The following ITGB3BP variants were observed in gnomAD, a reference collection of about 807,000 sequenced individuals.
ITGB3BP encodes the protein integrin subunit beta 3 binding protein, also known as centromere protein R.
A neutral mutation model predicts 29.1 loss-of-function variants in ITGB3BP; 27 were observed. The ratio of observed to expected loss-of-function variants is 0.93; its 90% CI spans 0.68 to 1.28. ITGB3BP has a LOEUF of 1.28. Among genes scored for constraint, ITGB3BP ranks in the 50% most tolerant of loss-of-function variants. ITGB3BP has a pLI of 0.00. For missense variants in ITGB3BP, 192 were observed against 200.2 expected (o/e 0.96, Z 0.25); for synonymous variants, 61 against 61.4 (o/e 0.99, Z 0.03).
intron 1 of ITGB3BP, among the ~76,000 whole-genome samples, chr1:63,513,671 T>C (rs1646250210): frequency 6.6e-6 from 1 of 152,166 alleles, no homozygotes; most frequent in East Asian, 1.9e-4. Flanking sequence ...TTAATATGTA[T>C]ATTTTTAAAA....
At chr1:63,520,052 T>G (rs1646414482) in intron 1 of ITGB3BP, among the ~76,000 whole-genome samples, 1 of 152,034 alleles carries the variant, frequency 6.6e-6, no homozygotes, top group South Asian at 2.1e-4. Flanking sequence ...GTACACTAAT[T>G]AGCAAGACTA....
chr1:63,443,795 G>A (rs2100462056), intron 8 of ITGB3BP, among the ~76,000 whole-genome samples: 1 of 152,274 alleles, frequency 6.6e-6, no homozygotes, highest in Non-Finnish European at 1.5e-5. Context: ...GACAAAGAGA[G>A]AGAGAATTTG....
chr1:63,454,473 C>A lies in ITGB3BP; in HGVS notation c.334G>T (p.Ala112Ser). Residue 112 changes from alanine (A) to serine (S), a missense_variant and splice_region_variant, in exon 6 of 9, where the codon GCT becomes TCT. Physicochemically the swap from Ala to Ser is moderately conservative, Grantham distance 99 (BLOSUM62 1). Coordinates refer to ENST00000271002, the MANE Select transcript of ITGB3BP (RefSeq NM_014288.5). The surrounding 1 kb of genome is among the most constrained non-coding windows in gnomAD (Gnocchi z 4.1). ...EIMQNLSSIQ[A>S]LEGSRELENL... Reference sequence around the variant, plus strand: ...TCAAGCTCTCTACTGCCCTCCAAAGCCTACAAGAAAGTCATCTTGAATGAG... The same window carrying A: ...TCAAGCTCTCTACTGCCCTCCAAAGACTACAAGAAAGTCATCTTGAATGAG... 6.4e-7 allele frequency: 1 copy of A among 1,558,720 alleles called. No individual in the cohort carries two copies. Among genetic ancestry groups the A allele is most frequent in the Non-Finnish European group, 8.8e-7 (1 of 1,137,436 alleles).
intron 1 of ITGB3BP, among the ~76,000 whole-genome samples, chr1:63,521,241 C>T (rs1437429990): frequency 6.8e-6 from 1 of 146,826 alleles, no homozygotes; most frequent in Non-Finnish European, 1.5e-5. Context: ...TCATTTATGA[C>T]CTCACCAGTA....
chr1:63,509,801 C>T (rs1646158159), intron 1 of ITGB3BP, among the ~76,000 whole-genome samples: 2 of 152,126 alleles, frequency 1.3e-5, no homozygotes, highest in African/African-American at 2.4e-5. Context: ...TACAAACAAA[C>T]TAAAATGCAG....
intron 7 of ITGB3BP, chr1:63,447,503 T>C (rs575646286): frequency 3.4e-4 from 157 of 455,248 alleles, no homozygotes; most frequent in Admixed American, 5.7e-4. Context: ...TACAACATGA[T>C]ACATTTAAAA....
At chr1:63,510,006 T>C (rs1646163404) in intron 1 of ITGB3BP, 1 of 472,520 alleles carries the variant, frequency 2.1e-6, no homozygotes, top group Non-Finnish European at 3.8e-6. Flanking sequence ...CAGCCTAACA[T>C]GGTGAAACCC....
chr1:63,526,080 G>C (rs761664214), upstream of ITGB3BP, among the ~76,000 whole-genome samples: 1 of 152,138 alleles, frequency 6.6e-6, no homozygotes, highest in African/African-American at 2.4e-5. Flanking sequence ...GGCCTCTTAA[G>C]TCACTAGCCT....
At chr1:63,504,850 AG>A (rs1216924520) in intron 2 of ITGB3BP, among the ~76,000 whole-genome samples, 1 of 152,186 alleles carries the variant, frequency 6.6e-6, no homozygotes, top group African/African-American at 2.4e-5. Flanking sequence ...CTTGCATCCC[AG>A]GGATGAGGCC....
intron 3 of ITGB3BP, among the ~76,000 whole-genome samples, chr1:63,479,681 G>A (rs1414806876): frequency 6.6e-6 from 1 of 152,032 alleles, no homozygotes; most frequent in African/African-American, 2.4e-5. Context: ...CCACTTATAA[G>A]TGAGATCATG....
rs544334521 is a variant in ITGB3BP at position 63,448,803 on chromosome 1, AT to A, written c.485-1948del. On this transcript the variant is annotated intron_variant, in intron 7 of 8. Coordinates refer to ENST00000271002, the MANE Select transcript of ITGB3BP (RefSeq NM_014288.5). ...TTTAATAAAACCTATTAAGACTACCATACAAATCTCTTTACTTATGCTTTTA... is the reference window on the plus strand; with the variant it reads ...TTTAATAAAACCTATTAAGACTACCAACAAATCTCTTTACTTATGCTTTTA... 4.0e-3 allele frequency among the ~76,000 whole-genome samples: 607 copies of A among 152,274 alleles called. 4 individuals carry two copies. The highest frequency in any genetic ancestry group is 0.013 in the African/African-American group (555 of 41,564).
chr1:63,490,098 T>C lies in ITGB3BP; in HGVS notation c.169A>G (p.Asn57Asp), dbSNP rs748567808. Residue 57 changes from asparagine (N) to aspartate (D), a missense_variant, in exon 3 of 9, where the codon AAT becomes GAT. Coordinates refer to ENST00000271002, the MANE Select transcript of ITGB3BP (RefSeq NM_014288.5). Reference protein sequence around the residue: ...PTSSEEQKHRNGLSNEKRKKL... With the variant: ...PTSSEEQKHRDGLSNEKRKKL... ...TTCAACTAACCATTTGATAGTCCAT[T>C]TCTGTGCTTTTGCTCTTCAGAACTT... The C allele has an allele frequency of 1.2e-6, 2 of 1,611,144 alleles. No individual in the cohort carries two copies. The highest frequency in any genetic ancestry group is 2.2e-5 in the South Asian group (2 of 90,350).
intron 4 of ITGB3BP, among the ~76,000 whole-genome samples, chr1:63,476,829 A>C (rs1338224334): frequency 6.6e-6 from 1 of 152,228 alleles, no homozygotes; most frequent in Non-Finnish European, 1.5e-5. Context: ...GTAATTTTTA[A>C]ATTTTTACTT....
At chr1:63,463,892 C>T (rs1039698404) in intron 4 of ITGB3BP, among the ~76,000 whole-genome samples, 31 of 151,910 alleles carry the variant, frequency 2.0e-4, no homozygotes, top group African/African-American at 7.0e-4. Context: ...GATTTCAGGA[C>T]GTATTCATCA....
At chr1:63,491,321 CA>C (rs1557638239) in intron 2 of ITGB3BP, among the ~76,000 whole-genome samples, 1 of 152,034 alleles carries the variant, frequency 6.6e-6, no homozygotes, top group Non-Finnish European at 1.5e-5. Context: ...GAGTATCTAC[CA>C]AAAGTTAGAA....
At chr1:63,516,638 A>T (rs1217108400) in intron 1 of ITGB3BP, among the ~76,000 whole-genome samples, 2 of 145,822 alleles carry the variant, frequency 1.4e-5, no homozygotes, top group Admixed American at 1.4e-4. Flanking sequence ...TGAGCCCAGG[A>T]GGTGAAGGTT....
intron 3 of ITGB3BP, among the ~76,000 whole-genome samples, chr1:63,486,751 T>C (rs1267761162): frequency 6.6e-6 from 1 of 152,038 alleles, no homozygotes; most frequent in Admixed American, 6.6e-5. Flanking sequence ...TTCATGGTGT[T>C]AGTCAAGGTT....
chr1:63,525,907 TATC>T, upstream of ITGB3BP: 1 of 562,646 alleles, frequency 1.8e-6, no homozygotes, highest in Non-Finnish European at 3.1e-6. Flanking sequence ...TATTATGTCA[TATC>T]ATATAGTTAC....
At chr1:63,472,443 TCCCTCTC>T (rs139724962) in intron 4 of ITGB3BP, among the ~76,000 whole-genome samples, 66 of 90,404 alleles carry the variant, frequency 7.3e-4, no homozygotes, top group African/African-American at 1.4e-3. Context: ...CCTCTCCCTC[TCCCTCTC>T]CCCTCTCCCC....
Sources: gnomAD v4.1 joint callset for allele counts (sites outside exome capture counted in the v4.1 genomes callset) on GRCh38, gnomAD v4.1.1 for gene constraint, Gnocchi (gnomAD v3.1) non-coding constraint, MANE v1.5 for transcripts, NCBI Gene and HGNC (gene_info 2026-07-23, HGNC 2026-07-21) for gene names.